Variants in STAT4 observed in about 807,000 individuals in gnomAD.
The protein encoded by STAT4 is signal transducer and activator of transcription 4.
Under a neutral mutation model 110.5 loss-of-function variants are expected in STAT4, and 42 were observed. The observed-to-expected ratio is 0.38, with a 90% CI of 0.30 to 0.49. The LOEUF is 0.49. Among genes scored for constraint, STAT4 ranks in the 20% least tolerant of loss-of-function variants. The pLI is 0.95. For synonymous variants in STAT4, 284 were observed against 302.2 expected, an observed-to-expected ratio of 0.94 and a Z score of 0.63; for missense variants, 632 against 887.9, an observed-to-expected ratio of 0.71 and a Z score of 3.66.
In STAT4 at chr2:191,030,272, T is replaced by C. The variant is rs773368405; in HGVS notation, c.2221-406A>G. On this transcript the variant is annotated intron_variant, in intron 23 of 23. Transcript: ENST00000392320. This position sits in a 1 kb window ranked among gnomAD's most constrained non-coding sequence, Gnocchi z 4.4. ...TAAAAGCCAGCCAGATAAAAATTTT[T>C]TGAGGCTTAGGGTCTCTCCAAGTTT... is the stretch of plus-strand genomic sequence containing the variant. Among the ~76,000 whole-genome samples the C allele has an allele frequency of 9.9e-5, 15 of 152,246 alleles. No individual in the cohort carries two copies. The highest frequency in any genetic ancestry group is 2.1e-4 in the Non-Finnish European group (14 of 68,034).
intron 3 of STAT4, among the ~76,000 whole-genome samples, chr2:191,136,373 T>G (rs1040589377): frequency 2.6e-5 from 4 of 152,184 alleles, no homozygotes; most frequent in African/African-American, 9.7e-5. Context: ...CTACTCCTAT[T>G]CAACATATTG....
Position 191,079,646 on chromosome 2 carries a change from TC to T in STAT4, c.274-3322del, listed in dbSNP as rs1398146134. On this transcript the variant is annotated intron_variant, in intron 3 of 23. Coordinates refer to ENST00000392320, the MANE Select transcript of STAT4 (RefSeq NM_003151.4). ...CATGTGGATATTGATAGAATTTTCC[TC>T]CTTTTTAATCATCTAACTTCCATCA... Among the ~76,000 whole-genome samples, 4 of 152,220 alleles carry T rather than the reference TC, an allele frequency of 2.6e-5. No homozygotes were observed. The East Asian group carries it at 7.7e-4, about 29-fold the overall frequency.
rs1013957153 is a variant in STAT4, at chr2:191,138,038, C to T, written c.273+8575G>A. The stretch of plus-strand genomic sequence containing the variant: ...TACATTAAACTAAAAAGCTTCTGCA[C>T]AGCAAAGGAAACAATCAGCAGAGTG... On this transcript the variant is annotated intron_variant, in intron 3 of 23. Coordinates refer to ENST00000392320, the MANE Select transcript of STAT4 (RefSeq NM_003151.4). The surrounding 1 kb of genome is among the most constrained non-coding windows in gnomAD (Gnocchi z 4.3). Among the ~76,000 whole-genome samples, 1 of 152,102 alleles carries T rather than the reference C, an allele frequency of 6.6e-6. No individual in the cohort carries two copies. Among genetic ancestry groups the T allele is most frequent in the African/African-American group, 2.4e-5 (1 of 41,428 alleles).
At chr2:191,134,591 T>C (rs774032347) in intron 3 of STAT4, among the ~76,000 whole-genome samples, 10 of 152,160 alleles carry the variant, frequency 6.6e-5, no homozygotes, top group Non-Finnish European at 1.2e-4. Context: ...CTGATGTTGT[T>C]TATAGCCAAA....
chr2:191,114,907 C>A (rs1189917110), intron 3 of STAT4, among the ~76,000 whole-genome samples: 3 of 152,142 alleles, frequency 2.0e-5, no homozygotes, highest in East Asian at 1.9e-4. Context: ...ATTTCACAGA[C>A]TTTTATGTGT....
intron 14 of STAT4, among the ~76,000 whole-genome samples, chr2:191,052,593 C>T (rs1696560267): frequency 6.6e-6 from 1 of 152,084 alleles, no homozygotes; most frequent in Non-Finnish European, 1.5e-5. Context: ...TTTCATTTTA[C>T]ATTCATAAAG....
chr2:191,109,778 T>C (rs1698376954), intron 3 of STAT4, among the ~76,000 whole-genome samples: 1 of 152,138 alleles, frequency 6.6e-6, no homozygotes, highest in Non-Finnish European at 1.5e-5. Context: ...AATCCCACTG[T>C]TGGTTTTATG....
chr2:191,128,742 CAT>C (rs998501363), intron 3 of STAT4, among the ~76,000 whole-genome samples: 1 of 152,208 alleles, frequency 6.6e-6, no homozygotes, highest in Non-Finnish European at 1.5e-5. Flanking sequence ...CACTAATAGT[CAT>C]TACCCTGGCT....
chr2:191,086,851 C>G lies in STAT4; in HGVS notation c.274-10526G>C, dbSNP rs760930998. Among the ~76,000 whole-genome samples, 7 of 152,116 alleles carry G rather than the reference C, an allele frequency of 4.6e-5. No homozygotes were observed. Among genetic ancestry groups the G allele is most frequent in the Non-Finnish European group, 8.8e-5 (6 of 68,018 alleles). On this transcript the variant is annotated intron_variant, in intron 3 of 23. Coordinates refer to ENST00000392320, the MANE Select transcript of STAT4 (RefSeq NM_003151.4). This position sits in a 1 kb window ranked among gnomAD's most constrained non-coding sequence, Gnocchi z 5.5. ...AAACCTCAGGAGAAAATAACAGCAA[C>G]TGTTATTTTAACAACCTTTGTATCT...
intron 1 of STAT4, among the ~76,000 whole-genome samples, chr2:191,148,911 A>T (rs1431423927): frequency 6.6e-6 from 1 of 152,204 alleles, no homozygotes; most frequent in Non-Finnish European, 1.5e-5. Context: ...TCTGAGAAAC[A>T]TCTGATAGTG....
intron 3 of STAT4, among the ~76,000 whole-genome samples, chr2:191,141,840 AG>A (rs1699344635): frequency 6.6e-6 from 1 of 152,042 alleles, no homozygotes; most frequent in South Asian, 2.1e-4. Context: ...CATGATGGCC[AG>A]GCTGGTCTCA....
upstream of STAT4, chr2:191,151,486 T>C: frequency 2.0e-6 from 2 of 985,524 alleles, no homozygotes; most frequent in Non-Finnish European, 2.4e-6. The surrounding 1 kb of genome is among the most constrained non-coding windows in gnomAD (Gnocchi z 4.7). Flanking sequence ...GTCCGCTCAC[T>C]CCGACGAGGG....
chr2:191,042,191 A>C lies in STAT4; in HGVS notation c.1252-1043T>G, dbSNP rs1421770542. Among the ~76,000 whole-genome samples, 3 of 152,286 alleles carry C rather than the reference A, an allele frequency of 2.0e-5. No individual in the cohort carries two copies. Among genetic ancestry groups the C allele is most frequent in the African/African-American group, 7.2e-5 (3 of 41,554 alleles). ...TCTACAGTTCTCAACACGCACATAG[A>C]ATTTTCAGGCTGTTTTTTAATGCCC... On this transcript the variant is annotated intron_variant, in intron 14 of 23. Transcript: ENST00000392320. The surrounding 1 kb of genome is among the most constrained non-coding windows in gnomAD (Gnocchi z 4.2).
chr2:191,094,030 G>C (rs766005498), intron 3 of STAT4, among the ~76,000 whole-genome samples: 1 of 152,094 alleles, frequency 6.6e-6, no homozygotes, highest in Non-Finnish European at 1.5e-5. Context: ...AAGAAGAGAA[G>C]TTTAGAGAAA....
At chr2:191,075,604 A>G (rs1432149387) in intron 4 of STAT4, among the ~76,000 whole-genome samples, 3 of 152,182 alleles carry the variant, frequency 2.0e-5, no homozygotes, top group African/African-American at 7.2e-5. Flanking sequence ...CTAATATTGT[A>G]GGACTCTGGA....
At chr2:191,056,086 T>C (rs902248253) in intron 13 of STAT4, among the ~76,000 whole-genome samples, 2 of 152,202 alleles carry the variant, frequency 1.3e-5, no homozygotes, top group Admixed American at 6.5e-5. Context: ...AAACCAAACA[T>C]TTTATCTTTT....
chr2:191,125,287 G>A (rs1012895796), intron 3 of STAT4, among the ~76,000 whole-genome samples: 13 of 151,986 alleles, frequency 8.6e-5, no homozygotes, highest in African/African-American at 3.1e-4. Context: ...AGGCATTTAC[G>A]AGGTTCTCAT....
chr2:191,070,853 G>T (rs891077803), intron 5 of STAT4, among the ~76,000 whole-genome samples: 1 of 151,832 alleles, frequency 6.6e-6, no homozygotes, highest in Non-Finnish European at 1.5e-5. Flanking sequence ...GTAAAAAGGG[G>T]TGTGGGGGTG....
In STAT4 at chr2:191,043,315, A is replaced by C. The variant is rs1457846193; in HGVS notation, c.1252-2167T>G. Among the ~76,000 whole-genome samples, 1 of 152,152 alleles carries C rather than the reference A, an allele frequency of 6.6e-6. No homozygotes were observed. On this transcript the variant is annotated intron_variant, in intron 14 of 23. Coordinates refer to ENST00000392320, the MANE Select transcript of STAT4 (RefSeq NM_003151.4). The surrounding 1 kb of genome is among the most constrained non-coding windows in gnomAD (Gnocchi z 4.8). ...AAACAAACAAAAAAATCCCACAAAGACGTCAAAAATAGAATAGAAAAGATA... is the reference window on the plus strand; with the variant it reads ...AAACAAACAAAAAAATCCCACAAAGCCGTCAAAAATAGAATAGAAAAGATA...
Sources: gnomAD v4.1 joint callset for allele counts (sites outside exome capture counted in the v4.1 genomes callset) on GRCh38, gnomAD v4.1.1 for gene constraint, Gnocchi (gnomAD v3.1) non-coding constraint, MANE v1.5 for transcripts, NCBI Gene and HGNC (gene_info 2026-07-23, HGNC 2026-07-21) for gene names.